CACNA2D4: variants seen among roughly 807,000 people sequenced by gnomAD.
CACNA2D4 encodes the protein voltage-dependent calcium channel subunit alpha-2/delta-4.
In CACNA2D4, 157 loss-of-function variants were observed where a neutral mutation model predicts 163.8. The ratio of observed to expected loss-of-function variants is 0.96; its 90% CI spans 0.84 to 1.09. The LOEUF (loss-of-function observed/expected upper bound fraction) is 1.09. Among genes scored for constraint, CACNA2D4 ranks in the 50% least tolerant of loss-of-function variants. The pLI, the probability that CACNA2D4 is intolerant of heterozygous loss-of-function variation, is 0.00. For missense variants in CACNA2D4, 1,410 were observed against 1,479.9 expected, an observed-to-expected ratio of 0.95 and a Z score of 0.78; for synonymous variants, 598 against 586.9, an observed-to-expected ratio of 1.02 and a Z score of -0.27.
At position 1,907,493 on chromosome 12, in the gene CACNA2D4, G is replaced by T. The variant is rs755897098; in HGVS notation, c.728C>A (p.Thr243Lys). ...VFVENFQRDP[T>K]LTWQYFGSAT... ...ACTGCCAAAATATTGCCAGGTCAACGTTGGGTCTCTCTGGAAGTTCTCCAC... is the reference window on the plus strand; with the variant it reads ...ACTGCCAAAATATTGCCAGGTCAACTTTGGGTCTCTCTGGAAGTTCTCCAC... The change falls in exon 6 of 38, where the codon ACG (threonine) becomes AAG (lysine). Residue 243 changes from threonine to lysine, a missense_variant. By Grantham distance (78) the Thr-to-Lys change is moderately conservative. Coordinates refer to ENST00000382722, the MANE Select transcript of CACNA2D4 (RefSeq NM_172364.5). 2 of 1,613,836 alleles carry T rather than the reference G, an allele frequency of 1.2e-6. No individual in the cohort carries two copies. The highest frequency in any genetic ancestry group is 3.3e-5 in the Admixed American group (2 of 60,020).
Position 1,793,738 on chromosome 12 carries a change from C to T in CACNA2D4, c.3331G>A (p.Gly1111Ser), listed in dbSNP as rs748935920. Residue 1111 changes from glycine (G) to serine (S), a missense_variant, in exon 38 of 38, where the codon GGC becomes AGC. Transcript: ENST00000382722. ...GGCGAGGCTGAGGTGTCCGAGGCGCCGCCGCAGTCCTGGGCATTCTCCTGC... is the reference window on the plus strand; with the variant it reads ...GGCGAGGCTGAGGTGTCCGAGGCGCTGCCGCAGTCCTGGGCATTCTCCTGC... Reference protein sequence around the residue: ...HPEENAQDCGGASDTSASPPL... With the variant: ...HPEENAQDCGSASDTSASPPL... 1.1e-5 allele frequency: 17 copies of T among 1,613,210 alleles called. No homozygotes were observed. The highest frequency in any genetic ancestry group is 1.2e-5 in the Non-Finnish European group (14 of 1,179,866).
At chr12:1,914,677 C>T (rs538778128) in intron 2 of CACNA2D4, among the ~76,000 whole-genome samples, 177 bp downstream of exon 2, 2 of 152,352 alleles carry the variant, frequency 1.3e-5, no homozygotes, top group South Asian at 4.1e-4. Flanking sequence ...GAACCACCCC[C>T]ACTGCCCTGC....
At chr12:1,863,319 GT>G (rs1268863292) in intron 18 of CACNA2D4, among the ~76,000 whole-genome samples, 1 of 152,170 alleles carries the variant, frequency 6.6e-6, no homozygotes, top group African/African-American at 2.4e-5. Context: ...ACCCAGCTTG[GT>G]TATTGTAGCT....
chr12:1,828,522 T>G lies in CACNA2D4; in HGVS notation c.2551+12217A>C, dbSNP rs886945. 0.69 allele frequency among the ~76,000 whole-genome samples: 104,697 copies of G among 152,134 alleles called. 38,285 individuals are homozygous for G. Among genetic ancestry groups the G allele is most frequent in the East Asian group, 0.91 (4,693 of 5,170 alleles). On this transcript the variant is annotated intron_variant, in intron 26 of 37. Coordinates refer to ENST00000382722, the MANE Select transcript of CACNA2D4 (RefSeq NM_172364.5). The surrounding 1 kb of genome is among the most constrained non-coding windows in gnomAD (Gnocchi z 4.2). The stretch of plus-strand genomic sequence containing the variant: ...CTGGGGTCCCCAACAGGAGAAGAGC[T>G]CTGCTGGAATGCAGGCCTGCTGAGT...
At chr12:1,841,243 G>A (rs148185988) in intron 25 of CACNA2D4, among the ~76,000 whole-genome samples, 98 of 152,306 alleles carry the variant, frequency 6.4e-4, no homozygotes, top group African/African-American at 2.1e-3. Flanking sequence ...GGAGGACGCC[G>A]ACAGTCAGTC....
chr12:1,894,213 C>G (rs925008853), intron 6 of CACNA2D4, among the ~76,000 whole-genome samples: 2 of 152,048 alleles, frequency 1.3e-5, no homozygotes, highest in Non-Finnish European at 2.9e-5. Context: ...CTGAACAGAC[C>G]AATAACACAT....
chr12:1,857,383 G>C (rs777882721), intron 20 of CACNA2D4, among the ~76,000 whole-genome samples: 1 of 152,236 alleles, frequency 6.6e-6, no homozygotes, highest in Non-Finnish European at 1.5e-5. Flanking sequence ...CCCATCAGCA[G>C]TGATGTGGGC....
At position 1,832,411 on chromosome 12, in the gene CACNA2D4, G is replaced by A. The variant is rs560588680; in HGVS notation, c.2551+8328C>T. Among the ~76,000 whole-genome samples the A allele has an allele frequency of 1.6e-4, 24 of 152,334 alleles. No homozygotes were observed. In the East Asian group the frequency reaches 4.0e-3, roughly 26 times the overall value. On this transcript the variant is annotated intron_variant, in intron 26 of 37. Coordinates refer to ENST00000382722, the MANE Select transcript of CACNA2D4 (RefSeq NM_172364.5). ...GCACAAAGTGAGTCCTCAATAAAAC[G>A]TCCATTTATCCGTTCACTTCCTGGT...
At chr12:1,840,650 C>T in intron 26 of CACNA2D4, 89 bp downstream of exon 26, 6 of 1,069,922 alleles carry the variant, frequency 5.6e-6, no homozygotes, top group Non-Finnish European at 8.5e-6. Flanking sequence ...GCCCTGGCCA[C>T]ATGTGCAGGG....
chr12:1,834,600 A>G lies in CACNA2D4; in HGVS notation c.2551+6139T>C, dbSNP rs761883170. On this transcript the variant is annotated intron_variant, in intron 26 of 37. Coordinates refer to ENST00000382722, the MANE Select transcript of CACNA2D4 (RefSeq NM_172364.5). This position sits in a 1 kb window ranked among gnomAD's most constrained non-coding sequence, Gnocchi z 7.6. The stretch of plus-strand genomic sequence containing the variant: ...ATCATGATGGTGGTGGCCGCTGCCT[A>G]TGGCTGCATCTACGCCTCCCTCATG... The G allele has an allele frequency of 1.9e-6, 3 of 1,600,034 alleles. No individual in the cohort carries two copies. The highest frequency in any genetic ancestry group is 2.7e-5 in the African/African-American group (2 of 74,868).
Position 1,870,378 on chromosome 12 carries a change from G to A in CACNA2D4, c.1878+4226C>T, listed in dbSNP as rs112153846. 4.2e-3 allele frequency among the ~76,000 whole-genome samples: 645 copies of A among 152,048 alleles called. 4 individuals carry two copies. The highest frequency in any genetic ancestry group is 0.015 in the African/African-American group (605 of 41,450). Reference sequence around the variant, plus strand: ...TTGGGGTCTAGCCTCCCTGTGGCTCGCTGCTTCTGGGCTAGCCCTCCTCAT... The same window carrying A: ...TTGGGGTCTAGCCTCCCTGTGGCTCACTGCTTCTGGGCTAGCCCTCCTCAT... On this transcript the variant is annotated intron_variant, in intron 18 of 37. Transcript: ENST00000382722.
At chr12:1,868,314 G>T (rs1035006654) in intron 18 of CACNA2D4, among the ~76,000 whole-genome samples, 1 of 152,096 alleles carries the variant, frequency 6.6e-6, no homozygotes, top group Non-Finnish European at 1.5e-5. Flanking sequence ...CTACAACATG[G>T]ATGAACCTAG....
intron 23 of CACNA2D4, among the ~76,000 whole-genome samples, chr12:1,849,535 G>A (rs1227586112): frequency 6.6e-6 from 1 of 152,162 alleles, no homozygotes; most frequent in African/African-American, 2.4e-5. Context: ...AGGTTTAGCT[G>A]TTTCATTTGC....
At position 1,792,112 on chromosome 12, in the gene CACNA2D4, A is replaced by T. The variant is rs1862994619; in HGVS notation, c.*1543T>A. ...GCTGCAGTTTCTATAACATGGGACTAATGATAGTACCCACTTTCAGGGGGC... is the reference window on the plus strand; with the variant it reads ...GCTGCAGTTTCTATAACATGGGACTTATGATAGTACCCACTTTCAGGGGGC... On this transcript the variant is annotated 3_prime_UTR_variant, in exon 38 of 38. Coordinates refer to ENST00000382722, the MANE Select transcript of CACNA2D4 (RefSeq NM_172364.5). The T allele has an allele frequency of 1.3e-5, 2 of 152,218 alleles. No homozygotes were observed. The highest frequency in any genetic ancestry group is 2.9e-5 in the Non-Finnish European group (2 of 68,040). 9.4% of individuals were successfully genotyped at this position (152,218 alleles called of 1,614,324 possible).
chr12:1,819,407 C>T (rs1864005790), intron 26 of CACNA2D4, among the ~76,000 whole-genome samples: 1 of 152,144 alleles, frequency 6.6e-6, no homozygotes, highest in Admixed American at 6.5e-5. Flanking sequence ...GCAGGAGCAT[C>T]CTTCTAGGGG....
At chr12:1,915,330 C>T in intron 1 of CACNA2D4, 1 of 693,936 alleles carries the variant, frequency 1.4e-6, no homozygotes, top group Admixed American at 2.0e-5. Flanking sequence ...TGGGGCCGGG[C>T]TGACGAGCCC....
At chr12:1,904,367 G>C (rs1209184372) in intron 6 of CACNA2D4, among the ~76,000 whole-genome samples, 1 of 149,618 alleles carries the variant, frequency 6.7e-6, no homozygotes, top group Non-Finnish European at 1.5e-5. Context: ...AACTAAAAGA[G>C]TATAATTGGA....
chr12:1,812,365 G>A (rs1442617768), intron 26 of CACNA2D4, among the ~76,000 whole-genome samples: 2 of 152,318 alleles, frequency 1.3e-5, no homozygotes, highest in South Asian at 2.1e-4. Context: ...GTGCTTACAA[G>A]GGCCACCCCT....
rs1270897729 is a variant in CACNA2D4, at chr12:1,798,910, C to T, written c.2995+765G>A. 6.6e-6 allele frequency among the ~76,000 whole-genome samples: 1 copy of T among 152,092 alleles called. No homozygotes were observed. The highest frequency in any genetic ancestry group is 1.5e-5 in the Non-Finnish European group (1 of 68,012). ...AGTCTGGAGACACAGCCCGAACTGC[C>T]CTGAGCCCAGGGGCAGAGGAAGCCC... is the stretch of plus-strand genomic sequence containing the variant. On this transcript the variant is annotated intron_variant, in intron 34 of 37. Coordinates refer to ENST00000382722, the MANE Select transcript of CACNA2D4 (RefSeq NM_172364.5). This position sits in a 1 kb window ranked among gnomAD's most constrained non-coding sequence, Gnocchi z 4.3.
Sources: gnomAD v4.1 joint callset for allele counts (sites outside exome capture counted in the v4.1 genomes callset) on GRCh38, gnomAD v4.1.1 for gene constraint, Gnocchi (gnomAD v3.1) non-coding constraint, MANE v1.5 for transcripts, NCBI Gene and HGNC (gene_info 2026-07-23, HGNC 2026-07-21) for gene names.